SCAF11: variants seen among roughly 807,000 people sequenced by gnomAD.
SCAF11 encodes protein SCAF11.
Under a neutral mutation model 140.5 loss-of-function variants are expected in SCAF11, and 47 were observed. That is an observed-to-expected ratio of 0.33 (90% CI 0.26 to 0.43). The LOEUF is 0.43. Among genes scored for constraint, SCAF11 ranks in the 20% least tolerant of loss-of-function variants. SCAF11 has a pLI of 1.00. For synonymous variants in SCAF11, 557 were observed against 579.4 expected, an observed-to-expected ratio of 0.96 and a Z score of 0.55; for missense variants, 1,645 against 1,705.1, an observed-to-expected ratio of 0.96 and a Z score of 0.62.
rs1185842169 is a variant in SCAF11, at chr12:45,927,729, T to C, written c.1972A>G (p.Asn658Asp). ...TTATTTTCAGAGTCTTGAATATTAT[T>C]GAAATCTTCATTCCCAAAAGTATCA... ...TCDTFGNEDF[N>D]NIQDSENNLL... Residue 658 changes from asparagine to aspartate, a missense_variant, in exon 11 of 15, where the codon AAT becomes GAT. Asn to Asp is a conservative substitution (Grantham distance 23, BLOSUM62 1). Around this residue, in one of 2 missense-constraint regions of SCAF11, gnomAD observed 1,582 missense variants for 1,609.2 expected, o/e 0.98. Coordinates refer to ENST00000369367, the MANE Select transcript of SCAF11 (RefSeq NM_004719.3). 3 of 1,611,862 alleles carry C rather than the reference T, an allele frequency of 1.9e-6. No homozygotes were observed. The highest frequency in any genetic ancestry group is 1.7e-5 in the Admixed American group (1 of 59,844).
intron 1 of SCAF11, among the ~76,000 whole-genome samples, chr12:45,985,539 T>G (rs745532070): frequency 6.6e-6 from 1 of 152,144 alleles, no homozygotes; most frequent in Non-Finnish European, 1.5e-5. Flanking sequence ...TATAGATACT[T>G]AGCAACTTCT....
In SCAF11 at chr12:45,945,328, A is replaced by C. The variant is rs768684569; in HGVS notation, c.399-15T>G. 1.9e-5 allele frequency: 28 copies of C among 1,440,900 alleles called. No individual in the cohort carries two copies. Among genetic ancestry groups the C allele is most frequent in the Non-Finnish European group, 2.5e-5 (26 of 1,050,120 alleles). The allele number at this position is 1,440,900 out of a possible 1,614,324, so 89.3% of individuals were successfully genotyped here. On this transcript the variant is annotated splice_polypyrimidine_tract_variant and intron_variant, in intron 5 of 14. Coordinates refer to ENST00000369367, the MANE Select transcript of SCAF11 (RefSeq NM_004719.3). The stretch of plus-strand genomic sequence containing the variant: ...TGGCTTTTCTTCTGTAAACATCAAT[A>C]AAGACAGGAAAGAATTAAGAAAAAA...
At chr12:45,972,937 TAG>T (rs1336760736) in intron 1 of SCAF11, among the ~76,000 whole-genome samples, 868 of 16,218 alleles carry the variant, frequency 0.054, 62 homozygotes, top group East Asian at 0.16. Context: ...TAGATATATA[TAG>T]ATATATATAT....
At position 45,972,898 on chromosome 12, in the gene SCAF11, A is replaced by ATATATAGATATATAGT. The variant is rs1565688762; in HGVS notation, c.-21-8711_-21-8710insACTATATATCTATATA. ...TATATATAGATATATATATAGATATATATATATATAGATATATATATAGAT... is the reference window on the plus strand; with the variant it reads ...TATATATAGATATATATATAGATATATATATAGATATATAGTTATATATATAGATATATATATAGAT... On this transcript the variant is annotated intron_variant, in intron 1 of 14. Coordinates refer to ENST00000369367, the MANE Select transcript of SCAF11 (RefSeq NM_004719.3). 2.1e-3 allele frequency among the ~76,000 whole-genome samples: 121 copies of ATATATAGATATATAGT among 57,436 alleles called. 3 individuals are homozygous for ATATATAGATATATAGT. Among genetic ancestry groups the ATATATAGATATATAGT allele is most frequent in the African/African-American group, 0.014 (117 of 8,382 alleles). 37.7% of individuals were successfully genotyped at this position (57,436 alleles called of 152,430 possible). A position where few individuals can be genotyped will look rare whatever the true frequency, so the allele number is the denominator to read the frequency against.
rs762469654 is a variant in SCAF11, at chr12:45,926,569, C to G, written c.3132G>C (p.Glu1044Asp). Residue 1044 changes from glutamate to aspartate, a missense_variant, in exon 11 of 15, where the codon GAG (glutamate) becomes GAC (aspartate). By Grantham distance (45) the Glu-to-Asp change is conservative. Around this residue, in one of 2 missense-constraint regions of SCAF11, gnomAD observed 1,582 missense variants for 1,609.2 expected, o/e 0.98. Coordinates refer to ENST00000369367, the MANE Select transcript of SCAF11 (RefSeq NM_004719.3). ...PRTRNPEKLK[E>D]SHWEENRNEN... The stretch of plus-strand genomic sequence containing the variant: ...CATTTCTATTTTCTTCCCAATGAGA[C>G]TCTTTCAACTTTTCTGGATTTCTGG... The G allele has an allele frequency of 7.4e-6, 12 of 1,613,054 alleles. No homozygotes were observed. Among genetic ancestry groups the G allele is most frequent in the Non-Finnish European group, 1.0e-5 (12 of 1,179,816 alleles).
In SCAF11 at chr12:45,922,041, C is replaced by T; in HGVS notation, c.*7G>A. ...TCCTGATAATGTCCTTGACAGCGTTCCCCATTTCAGCCTATGTTTTTTTCA... is the reference window on the plus strand; with the variant it reads ...TCCTGATAATGTCCTTGACAGCGTTTCCCATTTCAGCCTATGTTTTTTTCA... On this transcript the variant is annotated 3_prime_UTR_variant, in exon 15 of 15. Coordinates refer to ENST00000369367, the MANE Select transcript of SCAF11 (RefSeq NM_004719.3). 1 of 1,607,154 alleles carries T rather than the reference C, an allele frequency of 6.2e-7. No homozygotes were observed. Among genetic ancestry groups the T allele is most frequent in the Non-Finnish European group, 8.5e-7 (1 of 1,178,150 alleles).
intron 2 of SCAF11, among the ~76,000 whole-genome samples, chr12:45,962,621 G>C (rs1287738563): frequency 6.6e-5 from 10 of 152,062 alleles, no homozygotes. Flanking sequence ...CAGAAATAAA[G>C]GATTGGTCAG....
intron 12 of SCAF11, 142 bp from the exon 13 acceptor site, chr12:45,923,296 T>G: frequency 3.1e-6 from 2 of 654,578 alleles, no homozygotes; most frequent in South Asian, 4.0e-5. Context: ...GGTAATTATA[T>G]CTAAAGGGCC....
At chr12:45,934,535 C>A in intron 6 of SCAF11, 30 bp from the exon 7 acceptor site, 13 of 1,467,872 alleles carry the variant, frequency 8.9e-6, no homozygotes, top group Non-Finnish European at 1.2e-5. Flanking sequence ...GACTTGGTTA[C>A]CTTGTATTAA....
intron 5 of SCAF11, 114 bp downstream of exon 5, chr12:45,948,323 T>C (rs991935055): frequency 3.1e-5 from 21 of 671,466 alleles, no homozygotes; most frequent in East Asian, 1.7e-4. Context: ...GTGTGTGCTT[T>C]TGAATAAGTG....
Position 45,990,398 on chromosome 12 carries a change from A to AG in SCAF11, c.-68dup. On this transcript the variant is annotated 5_prime_UTR_variant, in exon 1 of 15. Coordinates refer to ENST00000369367, the MANE Select transcript of SCAF11 (RefSeq NM_004719.3). ...CTCGGTCCGGCCGCGGCCCCACAGTAGGTTCCCAGGTCCCAGTCACTCCGC... is the reference window on the plus strand; with the variant it reads ...CTCGGTCCGGCCGCGGCCCCACAGTAGGGTTCCCAGGTCCCAGTCACTCCGC... 1 of 1,232,404 alleles carries AG rather than the reference A, an allele frequency of 8.1e-7. No individual in the cohort carries two copies. The highest frequency in any genetic ancestry group is 1.0e-6 in the Non-Finnish European group (1 of 988,646). 76.3% of individuals were successfully genotyped at this position (1,232,404 alleles called of 1,614,324 possible).
At chr12:45,970,054 C>T (rs1277991043) in intron 1 of SCAF11, among the ~76,000 whole-genome samples, 1 of 152,252 alleles carries the variant, frequency 6.6e-6, no homozygotes, top group African/African-American at 2.4e-5. Flanking sequence ...CGCCACCACG[C>T]CCAGCTAATT....
chr12:45,958,380 G>A (rs1255334661), intron 3 of SCAF11, among the ~76,000 whole-genome samples: 1 of 152,098 alleles, frequency 6.6e-6, no homozygotes, highest in East Asian at 1.9e-4. Flanking sequence ...TATTGTTTTT[G>A]CCCACAATAT....
At chr12:45,935,166 T>A (rs548186937) in intron 6 of SCAF11, 1 of 152,282 alleles carries the variant, frequency 6.6e-6, no homozygotes, top group African/African-American at 2.4e-5. Flanking sequence ...AAAGGGCCTA[T>A]TGACATTGTT....
intron 1 of SCAF11, among the ~76,000 whole-genome samples, chr12:45,989,948 C>T (rs1047989783): frequency 8.5e-5 from 13 of 152,120 alleles, no homozygotes; most frequent in African/African-American, 3.1e-4. Context: ...AGGAGGGTGT[C>T]TGTGGCGGTT....
intron 1 of SCAF11, among the ~76,000 whole-genome samples, chr12:45,965,690 A>G (rs1945928458): frequency 6.6e-6 from 1 of 152,238 alleles, no homozygotes; most frequent in South Asian, 2.1e-4. Flanking sequence ...ATGCATTTAT[A>G]TCTACGCACA....
In SCAF11 at chr12:45,922,001, T is replaced by G; in HGVS notation, c.*47A>C. 6.4e-7 allele frequency: 1 copy of G among 1,571,272 alleles called. No homozygotes were observed. The highest frequency in any genetic ancestry group is 1.2e-5 in the South Asian group (1 of 83,214). On this transcript the variant is annotated 3_prime_UTR_variant, in exon 15 of 15. Coordinates refer to ENST00000369367, the MANE Select transcript of SCAF11 (RefSeq NM_004719.3). The stretch of plus-strand genomic sequence containing the variant: ...TTCAGTTAATGGTACATGTTGAAAT[T>G]GCACTTTGCAGATATCCTGATAATG...
chr12:45,985,048 C>T (rs1425329891), intron 1 of SCAF11, among the ~76,000 whole-genome samples: 1 of 152,130 alleles, frequency 6.6e-6, no homozygotes, highest in African/African-American at 2.4e-5. Context: ...CTTTCCCTGC[C>T]CCAGCACTGG....
intron 2 of SCAF11, among the ~76,000 whole-genome samples, chr12:45,963,151 G>A (rs988126609): frequency 2.4e-4 from 37 of 152,076 alleles, no homozygotes; most frequent in Non-Finnish European, 3.7e-4. Flanking sequence ...GTTACAGAAC[G>A]GTCTAACATA....
Sources: allele counts gnomAD v4.1 joint callset (sites outside exome capture counted in the v4.1 genomes callset), GRCh38; gene constraint gnomAD v4.1.1; regional missense constraint gnomAD v4.1.1; transcripts MANE v1.5; gene names NCBI Gene and HGNC (gene_info 2026-07-23, HGNC 2026-07-21).